The following TMPRSS3 variants were observed in gnomAD, a reference collection of about 807,000 sequenced individuals.
TMPRSS3 encodes the protein transmembrane serine protease 3, also known as transmembrane protease serine 3.
A neutral mutation model predicts 59.6 loss-of-function variants in TMPRSS3; 55 were observed. That is an observed-to-expected ratio of 0.92 (90% CI 0.74 to 1.16). The LOEUF (loss-of-function observed/expected upper bound fraction) is 1.16, where lower values mean the gene tolerates loss of function less well. Among genes scored for constraint, TMPRSS3 ranks in the 50% most tolerant of loss-of-function variants. TMPRSS3 has a pLI of 0.00. For synonymous variants in TMPRSS3, 257 were observed against 237.7 expected, an observed-to-expected ratio of 1.08 and a Z score of -0.75; for missense variants, 596 against 579.4, an observed-to-expected ratio of 1.03 and a Z score of -0.29.
At position 42,394,266 on chromosome 21, in the gene TMPRSS3, C is replaced by G. The variant is rs188586352; in HGVS notation, c.94+1058G>C. On this transcript the variant is annotated intron_variant, in intron 2 of 12. Transcript: ENST00000644384. ...TATTTATATTATAAAATATTAGGAA[C>G]AACTATAGGTCAAACTATGATCAAA... Among the ~76,000 whole-genome samples, 90 of 152,042 alleles carry G rather than the reference C, an allele frequency of 5.9e-4. 1 individual carries two copies. Among genetic ancestry groups the G allele is most frequent in the African/African-American group, 1.6e-3 (66 of 41,508 alleles).
intron 7 of TMPRSS3, chr21:42,383,730 C>G (rs547016718): frequency 4.3e-6 from 3 of 702,498 alleles, no homozygotes; most frequent in Non-Finnish European, 8.0e-6. Flanking sequence ...CATCATGGGC[C>G]TTGGTCCTGT....
At chr21:42,375,990 C>A (rs553398153) in intron 11 of TMPRSS3, 122 bp from the exon 12 acceptor site, 1 of 1,290,738 alleles carries the variant, frequency 7.7e-7, no homozygotes, top group South Asian at 1.3e-5. Flanking sequence ...TCATGATGTC[C>A]CAATGGATGA....
At chr21:42,395,262 C>T in intron 2 of TMPRSS3, 62 bp downstream of exon 2, 1 of 1,401,486 alleles carries the variant, frequency 7.1e-7, no homozygotes, top group East Asian at 2.3e-5. Context: ...CAGTCAGTCA[C>T]ATTGGTCACC....
intron 5 of TMPRSS3, among the ~76,000 whole-genome samples, chr21:42,386,092 T>C (rs1322421509): frequency 6.6e-6 from 1 of 152,100 alleles, no homozygotes; most frequent in Non-Finnish European, 1.5e-5. Context: ...ATTTTTACAG[T>C]GCCAGGACAC....
At chr21:42,372,822 G>A (rs1208661928) in intron 12 of TMPRSS3, 43 bp from the exon 13 acceptor site, 1 of 1,612,752 alleles carries the variant, frequency 6.2e-7, no homozygotes, top group Non-Finnish European at 8.5e-7. Flanking sequence ...AGCACTTCCA[G>A]CCATCCGTCC....
At chr21:42,381,795 A>C (rs750184904) in intron 9 of TMPRSS3, 4 of 593,120 alleles carry the variant, frequency 6.7e-6, no homozygotes, top group Middle Eastern at 4.6e-4. Context: ...AACATTGAAA[A>C]TGTAGGTAGG....
chr21:42,382,012 A>G, intron 9 of TMPRSS3, 53 bp downstream of exon 9: 1 of 1,612,314 alleles, frequency 6.2e-7, no homozygotes, highest in East Asian at 2.2e-5. Context: ...GCAATTGCAA[A>G]TCCTCTTGAA....
chr21:42,376,015 G>A, intron 11 of TMPRSS3, 147 bp from the exon 12 acceptor site: 1 of 1,077,874 alleles, frequency 9.3e-7, no homozygotes, highest in African/African-American at 1.5e-5. Context: ...GGTTACAGAA[G>A]GGAACCCACC....
In TMPRSS3 at chr21:42,395,986, T is replaced by C. The variant is rs776962558; in HGVS notation, c.-96A>G. ...AATGTAGATGGCACCACGGAAGAGA[T>C]AGTAGGCCACAGTGTTACTGGCTTC... is the stretch of plus-strand genomic sequence containing the variant. On this transcript the variant is annotated 5_prime_UTR_variant, in exon 1 of 13. Transcript: ENST00000644384. 1.9e-6 allele frequency: 1 copy of C among 518,946 alleles called. No homozygotes were observed. Among genetic ancestry groups the C allele is most frequent in the South Asian group, 1.4e-5 (1 of 71,576 alleles). The allele number at this position is 518,946 out of a possible 1,614,324, so 32.1% of individuals were successfully genotyped here. A position where few individuals can be genotyped will look rare whatever the true frequency, so the allele number is the denominator to read the frequency against.
chr21:42,376,530 C>T lies in TMPRSS3; in HGVS notation c.1191+11G>A, dbSNP rs727505305. The T allele has an allele frequency of 3.8e-5, 62 of 1,612,664 alleles. No individual in the cohort carries two copies. Among genetic ancestry groups the T allele is most frequent in the South Asian group, 7.7e-5 (7 of 91,064 alleles). ...CCTGCCACGGCCTCGCCCACCGCTGCGGCCCCGTACCTGGCAGCTGTCCAC... is the reference window on the plus strand; with the variant it reads ...CCTGCCACGGCCTCGCCCACCGCTGTGGCCCCGTACCTGGCAGCTGTCCAC... On this transcript the variant is annotated intron_variant, in intron 11 of 12. Transcript: ENST00000644384.
At chr21:42,387,172 G>A (rs1385156746) in intron 5 of TMPRSS3, among the ~76,000 whole-genome samples, 1 of 152,100 alleles carries the variant, frequency 6.6e-6, no homozygotes, top group Non-Finnish European at 1.5e-5. Context: ...GGAAGGAGAG[G>A]GATTGAGCTG....
intron 2 of TMPRSS3, chr21:42,390,260 G>A: frequency 1.8e-6 from 1 of 560,368 alleles, no homozygotes; most frequent in Admixed American, 2.8e-5. Context: ...GGGGATGAGG[G>A]GATGTGCTAT....
At position 42,372,213 on chromosome 21, in the gene TMPRSS3, G is replaced by T; in HGVS notation, c.*549C>A. Reference sequence around the variant, plus strand: ...TGGAGAGAAAACCAGATGGACCAGTGGGAAAGGCCGCCCTTGCAAGTTGCT... The same window carrying T: ...TGGAGAGAAAACCAGATGGACCAGTTGGAAAGGCCGCCCTTGCAAGTTGCT... On this transcript the variant is annotated 3_prime_UTR_variant, in exon 13 of 13. Transcript: ENST00000644384. 2.2e-6 allele frequency: 1 copy of T among 444,820 alleles called. No individual in the cohort carries two copies. The highest frequency in any genetic ancestry group is 1.6e-5 in the South Asian group (1 of 63,614). 27.6% of individuals were successfully genotyped at this position (444,820 alleles called of 1,614,324 possible).
Position 42,388,994 on chromosome 21 carries a change from A to C in TMPRSS3, c.257T>G (p.Ile86Ser). 6.2e-7 allele frequency: 1 copy of C among 1,614,226 alleles called. No individual in the cohort carries two copies. Among genetic ancestry groups the C allele is most frequent in the Non-Finnish European group, 8.5e-7 (1 of 1,180,042 alleles). Residue 86 changes from isoleucine (I) to serine (S), a missense_variant, in exon 4 of 13, where the codon ATC (isoleucine) becomes AGC (serine). Physicochemically the swap from Ile to Ser is moderately radical, Grantham distance 142. Coordinates refer to ENST00000644384, the MANE Select transcript of TMPRSS3 (RefSeq NM_001256317.3). The surrounding 1 kb of genome is among the most constrained non-coding windows in gnomAD (Gnocchi z 5.1). ...TCCGTCACATCGAGCTATCAGCTCG[A>C]TACACTTAAAGGATGAGCGACATCT... ...KYRCRSSFKCIELIARCDGVS... is the reference protein window; with the variant it reads ...KYRCRSSFKCSELIARCDGVS...
In TMPRSS3 at chr21:42,372,902, A is replaced by G. The variant is rs902187443; in HGVS notation, c.1345-123T>C. 8.8e-6 allele frequency: 11 copies of G among 1,250,368 alleles called. No homozygotes were observed. In the African/African-American group the frequency reaches 8.9e-5, roughly 10 times the overall value. The allele number at this position is 1,250,368 out of a possible 1,614,324, so 77.5% of individuals were successfully genotyped here. A position where few individuals can be genotyped will look rare whatever the true frequency, so the allele number is the denominator to read the frequency against. The stretch of plus-strand genomic sequence containing the variant: ...TGTGGGGCTGTTCTCCACGATGAAG[A>G]CAAGGTTGGCCTCCCCCTGGGGCTG... On this transcript the variant is annotated intron_variant, in intron 12 of 12. Coordinates refer to ENST00000644384, the MANE Select transcript of TMPRSS3 (RefSeq NM_001256317.3).
intron 5 of TMPRSS3, 134 bp from the exon 6 acceptor site, chr21:42,385,668 C>A: frequency 8.6e-7 from 1 of 1,165,858 alleles, no homozygotes; most frequent in Non-Finnish European, 1.3e-6. Flanking sequence ...CCATCAAAGG[C>A]TTCCTTTGCC....
At chr21:42,383,272 C>A (rs1001923785) in intron 7 of TMPRSS3, 74 bp from the exon 8 acceptor site, 2 of 1,514,132 alleles carry the variant, frequency 1.3e-6, no homozygotes, top group Non-Finnish European at 1.8e-6. Context: ...CCACCATGCA[C>A]CTGCTCCTCT....
intron 3 of TMPRSS3, 112 bp from the exon 4 acceptor site, chr21:42,389,157 T>C: frequency 6.4e-7 from 1 of 1,551,478 alleles, no homozygotes. Flanking sequence ...ATGAAACCTG[T>C]ATTGAAATTG....
At chr21:42,374,536 C>A (rs574306637) in intron 12 of TMPRSS3, among the ~76,000 whole-genome samples, 144 of 152,276 alleles carry the variant, frequency 9.5e-4, no homozygotes, top group Non-Finnish European at 1.5e-3. Flanking sequence ...GTCTTTGAGC[C>A]TTGGAGACAG....
Sources: gnomAD v4.1 joint callset for allele counts (sites outside exome capture counted in the v4.1 genomes callset) on GRCh38, gnomAD v4.1.1 for gene constraint, Gnocchi (gnomAD v3.1) non-coding constraint, MANE v1.5 for transcripts, NCBI Gene and HGNC (gene_info 2026-07-23, HGNC 2026-07-21) for gene names.